The following LRIG2 variants were observed in gnomAD, a reference collection of about 807,000 sequenced individuals.
LRIG2 encodes the protein leucine-rich repeats and immunoglobulin-like domains protein 2.
LRIG2 carries 93 observed loss-of-function variants against 107.8 expected under a neutral mutation model. The ratio of observed to expected loss-of-function variants is 0.86; its 90% CI spans 0.73 to 1.03. The LOEUF (loss-of-function observed/expected upper bound fraction) is 1.03, where lower values mean the gene tolerates loss of function less well. Ranked by LOEUF, LRIG2 falls within the 50% of genes least tolerant of loss-of-function variation. LRIG2 has a pLI of 0.00. For synonymous variants in LRIG2, 471 were observed against 470.6 expected, an observed-to-expected ratio of 1.00 and a Z score of -0.01; for missense variants, 1,226 against 1,296.0, an observed-to-expected ratio of 0.95 and a Z score of 0.83.
chr1:113,116,646 G>C (rs533056678), intron 16 of LRIG2, among the ~76,000 whole-genome samples: 19 of 152,298 alleles, frequency 1.2e-4, no homozygotes, highest in Non-Finnish European at 2.4e-4. Flanking sequence ...CATTAAACAA[G>C]AGATCAGAGT....
chr1:113,124,399 T>TAAC lies in LRIG2; in HGVS notation c.*298_*299insAAC. 9.5e-6 allele frequency: 4 copies of TAAC among 422,990 alleles called. No individual in the cohort carries two copies. Among genetic ancestry groups the TAAC allele is most frequent in the Non-Finnish European group, 1.7e-5 (4 of 229,234 alleles). The allele number at this position is 422,990 out of a possible 1,614,324, so 26.2% of individuals were successfully genotyped here. A position where few individuals can be genotyped will look rare whatever the true frequency, so the allele number is the denominator to read the frequency against. On this transcript the variant is annotated 3_prime_UTR_variant, in exon 18 of 18. Coordinates refer to ENST00000361127, the MANE Select transcript of LRIG2 (RefSeq NM_014813.3). ...ATGTGCCCTGGTGTGCATCTGCTTGTCAGGAAGAGTCACATTGCTGCTTAA... is the reference window on the plus strand; with the variant it reads ...ATGTGCCCTGGTGTGCATCTGCTTGTAACCAGGAAGAGTCACATTGCTGCTTAA...
chr1:113,100,316 A>G, intron 10 of LRIG2, 34 bp downstream of exon 10: 2 of 1,541,982 alleles, frequency 1.3e-6, no homozygotes, highest in South Asian at 2.3e-5. Context: ...CTTACTCTAT[A>G]AATAATCTTT....
At chr1:113,075,692 CTTT>C (rs34293194) in intron 1 of LRIG2, among the ~76,000 whole-genome samples, 3 of 117,730 alleles carry the variant, frequency 2.5e-5, no homozygotes, top group Non-Finnish European at 4.9e-5. Flanking sequence ...GTGGCCTATA[CTTT>C]TTTTTTTTTT....
chr1:113,121,189 G>T (rs1261433287), intron 17 of LRIG2, among the ~76,000 whole-genome samples: 1 of 152,132 alleles, frequency 6.6e-6, no homozygotes, highest in South Asian at 2.1e-4. Flanking sequence ...CACTTGGCGG[G>T]TGTTTTTTTC....
chr1:113,079,431 T>C (rs61249158), intron 1 of LRIG2, among the ~76,000 whole-genome samples: 2,595 of 150,906 alleles, frequency 0.017, 64 homozygotes, highest in African/African-American at 0.06. Context: ...ACACCTGTAA[T>C]CCCAGCACTT....
intron 1 of LRIG2, among the ~76,000 whole-genome samples, chr1:113,088,516 A>G (rs1653654969): frequency 6.6e-6 from 1 of 152,230 alleles, no homozygotes; most frequent in Non-Finnish European, 1.5e-5. Flanking sequence ...GGATGAATAC[A>G]GTCAAGAGTT....
At chr1:113,102,512 C>T (rs549850456) in intron 11 of LRIG2, among the ~76,000 whole-genome samples, 4 of 152,012 alleles carry the variant, frequency 2.6e-5, no homozygotes, top group Non-Finnish European at 5.9e-5. Flanking sequence ...CCTCATGATC[C>T]GCCCGCCTCG....
rs777866755 is a variant in LRIG2 at position 113,110,210 on chromosome 1, A to ACT, written c.1478-31_1478-30dup. On this transcript the variant is annotated intron_variant, in intron 12 of 17. Transcript: ENST00000361127. The stretch of plus-strand genomic sequence containing the variant: ...AATCTAAAGCAAAAATAAATAACTG[A>ACT]CTTGGCTACGGATGCATTTTTTTCC... The ACT allele has an allele frequency of 2.1e-6, 3 of 1,438,118 alleles. No individual in the cohort carries two copies. In the East Asian group the frequency reaches 6.9e-5, roughly 33 times the overall value. 89.1% of individuals were successfully genotyped at this position (1,438,118 alleles called of 1,614,324 possible).
At chr1:113,079,162 T>A (rs983354014) in intron 1 of LRIG2, among the ~76,000 whole-genome samples, 9 of 151,442 alleles carry the variant, frequency 5.9e-5, no homozygotes, top group African/African-American at 2.2e-4. Flanking sequence ...CTGGGCAACG[T>A]GGCAAAACCC....
intron 16 of LRIG2, among the ~76,000 whole-genome samples, chr1:113,118,961 G>T (rs372921883): frequency 2.6e-5 from 4 of 152,182 alleles, no homozygotes; most frequent in African/African-American, 9.7e-5. Flanking sequence ...ACCGCACCCG[G>T]TAGCGGTATG....
In LRIG2 at chr1:113,073,220, C is replaced by G; in HGVS notation, c.-187C>G. 1 of 600,432 alleles carries G rather than the reference C, an allele frequency of 1.7e-6. No individual in the cohort carries two copies. The allele number at this position is 600,432 out of a possible 1,614,324, so 37.2% of individuals were successfully genotyped here. ...GGCGGACGAGAGGTGTCCGTCAGGC[C>G]GTGTGTCCCAGGCCGTCGACCCCGC... On this transcript the variant is annotated 5_prime_UTR_variant, in exon 1 of 18. Transcript: ENST00000361127.
rs1319464616 is a variant in LRIG2, at chr1:113,127,059, CTGAA to C, written c.*2961_*2964del. ...TAGTTGTGTTCACTTTGTGCTTTCT[CTGAA>C]TGGGAATATCTTCTTTCAGCAAAGT... On this transcript the variant is annotated 3_prime_UTR_variant, in exon 18 of 18. Coordinates refer to ENST00000361127, the MANE Select transcript of LRIG2 (RefSeq NM_014813.3). 15 of 152,354 alleles carry C rather than the reference CTGAA, an allele frequency of 9.8e-5. No individual in the cohort carries two copies. Among genetic ancestry groups the C allele is most frequent in the Admixed American group, 3.3e-4 (5 of 15,300 alleles). The allele number at this position is 152,354 out of a possible 1,614,324, so 9.4% of individuals were successfully genotyped here. A position where few individuals can be genotyped will look rare whatever the true frequency, so the allele number is the denominator to read the frequency against.
intron 10 of LRIG2, 51 bp from the exon 11 acceptor site, chr1:113,100,369 A>G: frequency 7.0e-7 from 1 of 1,435,410 alleles, no homozygotes; most frequent in Non-Finnish European, 9.8e-7. Context: ...GTGTTTATGT[A>G]ACTTGATATA....
intron 1 of LRIG2, among the ~76,000 whole-genome samples, chr1:113,077,754 ACTT>A (rs2101012528): frequency 6.6e-6 from 1 of 151,886 alleles, no homozygotes; most frequent in African/African-American, 2.4e-5. Context: ...TATTTATTCT[ACTT>A]TAAGTTCTAG....
intron 1 of LRIG2, among the ~76,000 whole-genome samples, chr1:113,078,053 A>G (rs377139279): frequency 1.3e-5 from 2 of 151,884 alleles, no homozygotes; most frequent in African/African-American, 4.8e-5. Flanking sequence ...TGTCCCTTCA[A>G]AGGATATGAA....
At chr1:113,096,411 T>TAA (rs761218940) in intron 8 of LRIG2, 46 bp downstream of exon 8, 1 of 1,577,686 alleles carries the variant, frequency 6.3e-7, no homozygotes, top group South Asian at 1.2e-5. Flanking sequence ...CTGATTTTTT[T>TAA]AGTACAATAA....
At chr1:113,123,727 T>TTTTTGTG (rs1437564600) in intron 17 of LRIG2, 148 bp from the exon 18 acceptor site, 2 of 580,736 alleles carry the variant, frequency 3.4e-6, no homozygotes, top group African/African-American at 4.0e-5. Context: ...GTGGTGGTTT[T>TTTTTGTG]TGTGTGTGTG....
intron 4 of LRIG2, 27 bp from the exon 5 acceptor site, chr1:113,094,311 TC>T (rs750448379): frequency 6.4e-7 from 1 of 1,557,292 alleles, no homozygotes; most frequent in South Asian, 1.2e-5. Context: ...CTAAATTTTT[TC>T]TTTTGCTATT....
chr1:113,099,255 T>TTTTTTTTTTTGG (rs59585603), intron 9 of LRIG2, among the ~76,000 whole-genome samples: 2 of 148,668 alleles, frequency 1.3e-5, no homozygotes, highest in African/African-American at 2.5e-5. Flanking sequence ...TTTTTTTTTT[T>TTTTTTTTTTTGG]GAGACAGGGT....
Sources: gnomAD v4.1 joint callset for allele counts (sites outside exome capture counted in the v4.1 genomes callset) on GRCh38, gnomAD v4.1.1 for gene constraint, MANE v1.5 for transcripts, NCBI Gene and HGNC (gene_info 2026-07-23, HGNC 2026-07-21) for gene names.